Variants in TBC1D14 observed in about 807,000 individuals in gnomAD.
TBC1D14 encodes the protein TBC1 domain family, member 14.
Under a neutral mutation model 79.0 loss-of-function variants are expected in TBC1D14, and 26 were observed. The observed-to-expected ratio is 0.33, with a 90% CI of 0.24 to 0.46. TBC1D14 has a LOEUF of 0.46. Among genes scored for constraint, TBC1D14 ranks in the 20% least tolerant of loss-of-function variants. TBC1D14 has a pLI of 1.00. For synonymous variants in TBC1D14, 394 were observed against 349.9 expected, an observed-to-expected ratio of 1.13 and a Z score of -1.40; for missense variants, 769 against 887.6, an observed-to-expected ratio of 0.87 and a Z score of 1.70.
intron 2 of TBC1D14, among the ~76,000 whole-genome samples, chr4:6,928,239 C>T (rs998390338): frequency 1.3e-5 from 2 of 152,112 alleles, no homozygotes; most frequent in African/African-American, 4.8e-5. Context: ...TTGTGGCAGG[C>T]TGGGAGGTGG....
intron 3 of TBC1D14, among the ~76,000 whole-genome samples, chr4:6,975,303 G>GATCCT (rs1467802403): frequency 6.6e-6 from 1 of 152,188 alleles, no homozygotes; most frequent in Non-Finnish European, 1.5e-5. Context: ...CTGCCTCCCA[G>GATCCT]GCTCAAGCGA....
At chr4:7,024,630 C>T (rs1003960433) in intron 12 of TBC1D14, among the ~76,000 whole-genome samples, 2 of 152,212 alleles carry the variant, frequency 1.3e-5, no homozygotes, top group African/African-American at 4.8e-5. Context: ...CATTGAGCCC[C>T]ATAGCCAGGA....
intron 5 of TBC1D14, chr4:6,997,372 A>G (rs1008238372): frequency 6.6e-6 from 1 of 152,306 alleles, no homozygotes; most frequent in Admixed American, 6.5e-5. Flanking sequence ...CACGCCTGTA[A>G]TCGCAGCACT....
intron 13 of TBC1D14, among the ~76,000 whole-genome samples, chr4:7,028,951 C>T (rs1424379907): frequency 6.6e-6 from 1 of 152,184 alleles, no homozygotes; most frequent in Non-Finnish European, 1.5e-5. Flanking sequence ...AATTCTTCCA[C>T]CTCAATCTCC....
intron 2 of TBC1D14, among the ~76,000 whole-genome samples, chr4:6,955,811 C>T (rs1294545652): frequency 1.3e-5 from 2 of 152,106 alleles, no homozygotes; most frequent in Admixed American, 6.6e-5. Flanking sequence ...GGGAGGATTG[C>T]GTCCTGCCTC....
chr4:7,022,867 T>TG lies in TBC1D14; in HGVS notation c.1758-2130dup, dbSNP rs565771290. Among the ~76,000 whole-genome samples the TG allele has an allele frequency of 2.0e-3, 311 of 151,914 alleles. 1 individual carries two copies. Among genetic ancestry groups the TG allele is most frequent in the African/African-American group, 7.2e-3 (299 of 41,418 alleles). Reference sequence around the variant, plus strand: ...AGAACAAACTTTAGTTCTTTGGGCTTGGGGGGGTACATTGTAGAAATCTCT... The same window carrying TG: ...AGAACAAACTTTAGTTCTTTGGGCTTGGGGGGGGTACATTGTAGAAATCTCT... On this transcript the variant is annotated intron_variant, in intron 12 of 13. Transcript: ENST00000409757.
chr4:6,974,867 ATCG>A (rs993386018), intron 3 of TBC1D14, among the ~76,000 whole-genome samples: 13 of 151,652 alleles, frequency 8.6e-5, no homozygotes, highest in African/African-American at 2.4e-4. Flanking sequence ...TTCAGATAGG[ATCG>A]TCTTTTTTTG....
At chr4:6,950,234 C>T (rs966236384) in intron 2 of TBC1D14, among the ~76,000 whole-genome samples, 3 of 152,188 alleles carry the variant, frequency 2.0e-5, no homozygotes, top group Non-Finnish European at 2.9e-5. Context: ...CTGCAAAGGA[C>T]GTGAACTCAT....
At position 6,964,466 on chromosome 4, in the gene TBC1D14, A is replaced by G. The variant is rs148337163; in HGVS notation, c.723-2838A>G. ...ACAACGCCTCTTCAGCAAAATGTAT[A>G]CCCTTAGTGAACCCAAGTTCTGGAT... is the stretch of plus-strand genomic sequence containing the variant. On this transcript the variant is annotated intron_variant, in intron 2 of 13. Transcript: ENST00000409757. 5.3e-5 allele frequency among the ~76,000 whole-genome samples: 8 copies of G among 152,210 alleles called. No individual in the cohort carries two copies. The East Asian group carries it at 1.5e-3, about 29-fold the overall frequency.
At chr4:6,943,123 A>T (rs1475702859) in intron 2 of TBC1D14, among the ~76,000 whole-genome samples, 1 of 152,150 alleles carries the variant, frequency 6.6e-6, no homozygotes, top group Non-Finnish European at 1.5e-5. Context: ...ATTACACCAA[A>T]GCAGGGGAGA....
chr4:6,913,169 A>G (rs973489736), intron 1 of TBC1D14, among the ~76,000 whole-genome samples: 3 of 151,622 alleles, frequency 2.0e-5, no homozygotes, highest in African/African-American at 4.9e-5. Context: ...CTAATTTTGT[A>G]TTTTTAGTGG....
chr4:6,914,046 G>C (rs1276313063), intron 1 of TBC1D14, among the ~76,000 whole-genome samples: 1 of 151,838 alleles, frequency 6.6e-6, no homozygotes, highest in Non-Finnish European at 1.5e-5. Flanking sequence ...ATGCTGAGGT[G>C]GGAGGCTCAC....
At position 6,992,109 on chromosome 4, in the gene TBC1D14, C is replaced by T. The variant is rs138384958; in HGVS notation, c.844-2075C>T. On this transcript the variant is annotated intron_variant, in intron 3 of 13. Transcript: ENST00000409757. ...CTGTGCACCAGAGGCTGTGACATCA[C>T]CTCATTCCTTCCAGCAGCCCACTCA... Among the ~76,000 whole-genome samples the T allele has an allele frequency of 4.2e-3, 640 of 152,322 alleles. 5 individuals are homozygous for T. Among genetic ancestry groups the T allele is most frequent in the African/African-American group, 0.014 (586 of 41,576 alleles).
intron 2 of TBC1D14, among the ~76,000 whole-genome samples, chr4:6,932,024 A>T (rs994113737): frequency 4.6e-5 from 7 of 151,968 alleles, no homozygotes. Flanking sequence ...CAATGAATAG[A>T]CTGGTCAGGA....
At chr4:6,929,632 C>T (rs1254582753) in intron 2 of TBC1D14, among the ~76,000 whole-genome samples, 2 of 152,070 alleles carry the variant, frequency 1.3e-5, no homozygotes, top group Non-Finnish European at 2.9e-5. Flanking sequence ...GAGGGGAGAC[C>T]ACAGAGATGG....
intron 2 of TBC1D14, among the ~76,000 whole-genome samples, chr4:6,929,664 A>C (rs1169232545): frequency 6.6e-6 from 1 of 152,306 alleles, no homozygotes; most frequent in Admixed American, 6.5e-5. Context: ...ATGGGGCAGG[A>C]CTTTGAGGAC....
intron 11 of TBC1D14, 73 bp from the exon 12 acceptor site, chr4:7,014,375 C>T: frequency 1.1e-6 from 1 of 919,376 alleles, no homozygotes. Flanking sequence ...TAAAGATATA[C>T]ATATATTGAC....
chr4:6,968,310 T>C (rs1436470855), intron 3 of TBC1D14, among the ~76,000 whole-genome samples: 1 of 150,824 alleles, frequency 6.6e-6, no homozygotes, highest in Admixed American at 6.6e-5. Flanking sequence ...GCAGGAGGAG[T>C]GGGGTGGCAC....
intron 3 of TBC1D14, among the ~76,000 whole-genome samples, chr4:6,972,110 T>C (rs1040431474): frequency 1.3e-5 from 2 of 152,198 alleles, no homozygotes; most frequent in South Asian, 4.1e-4. Flanking sequence ...GGGAACCTTC[T>C]TTCTTGGATT....
Sources: gnomAD v4.1 joint callset for allele counts (sites outside exome capture counted in the v4.1 genomes callset) on GRCh38, gnomAD v4.1.1 for gene constraint, MANE v1.5 for transcripts, NCBI Gene and HGNC (gene_info 2026-07-23, HGNC 2026-07-21) for gene names.